The following COL5A2 variants were observed in gnomAD, a reference collection of about 807,000 sequenced individuals.
COL5A2 encodes collagen type V alpha 2 chain.
A neutral mutation model predicts 208.2 loss-of-function variants in COL5A2; 23 were observed. The ratio of observed to expected loss-of-function variants is 0.11; its 90% CI spans 0.08 to 0.16. The LOEUF (loss-of-function observed/expected upper bound fraction) is 0.16. COL5A2 is among the 10% of genes least tolerant of loss of function. The pLI is 1.00. For missense variants in COL5A2, 1,590 were observed against 1,956.4 expected, an observed-to-expected ratio of 0.81 and a Z score of 3.53; for synonymous variants, 625 against 628.5, an observed-to-expected ratio of 0.99 and a Z score of 0.08.
intron 44 of COL5A2, among the ~76,000 whole-genome samples, chr2:189,049,059 T>C (rs1410919158): frequency 6.6e-6 from 1 of 152,092 alleles, no homozygotes; most frequent in Non-Finnish European, 1.5e-5. Context: ...GAAAGATGAA[T>C]GGATGTGTCC....
chr2:189,174,293 C>A (rs917587094), intron 1 of COL5A2, among the ~76,000 whole-genome samples: 1 of 152,172 alleles, frequency 6.6e-6, no homozygotes, highest in Non-Finnish European at 1.5e-5. Flanking sequence ...GAAAAACATG[C>A]ATTCACCTGG....
intron 5 of COL5A2, among the ~76,000 whole-genome samples, chr2:189,098,208 TA>T (rs1378116936): frequency 6.6e-6 from 1 of 152,238 alleles, no homozygotes; most frequent in African/African-American, 2.4e-5. Flanking sequence ...CTTAGTATTT[TA>T]AGCTGATTTG....
chr2:189,058,612 G>A lies in COL5A2; in HGVS notation c.2131-85C>T, dbSNP rs547424630. 4.8e-5 allele frequency: 60 copies of A among 1,256,758 alleles called. No homozygotes were observed. The Middle Eastern group carries it at 7.5e-4, about 16-fold the overall frequency. 77.9% of individuals were successfully genotyped at this position (1,256,758 alleles called of 1,614,324 possible). On this transcript the variant is annotated intron_variant, in intron 32 of 53. Coordinates refer to ENST00000374866, the MANE Select transcript of COL5A2 (RefSeq NM_000393.5). The stretch of plus-strand genomic sequence containing the variant: ...GTTTCTGAGAAATGGCTTCTACTGC[G>A]GAAAAATTCAGAAATGAGACATTAC...
Position 189,032,003 on chromosome 2 carries a change from T to C in COL5A2, c.*2067A>G, listed in dbSNP as rs1199449248. On this transcript the variant is annotated 3_prime_UTR_variant, in exon 54 of 54. Transcript: ENST00000374866. ...TTTGTGACTTAATAGTATTACCACA[T>C]ATTTCTGATTCATCTATATGAACTT... The C allele has an allele frequency of 1.3e-5, 2 of 152,122 alleles. No individual in the cohort carries two copies. The highest frequency in any genetic ancestry group is 4.8e-5 in the African/African-American group (2 of 41,428). The allele number at this position is 152,122 out of a possible 1,614,324, so 9.4% of individuals were successfully genotyped here.
the COL5A2 span, among the ~76,000 whole-genome samples, chr2:189,431,454 GT>G: frequency 6.6e-5 from 10 of 152,212 alleles, no homozygotes; most frequent in Non-Finnish European, 1.3e-4. Flanking sequence ...TTGAAAAAAG[GT>G]TAGTTGAATG....
intron 1 of COL5A2, among the ~76,000 whole-genome samples, chr2:189,190,254 G>C (rs939323443): frequency 6.6e-6 from 1 of 152,098 alleles, no homozygotes; most frequent in Non-Finnish European, 1.5e-5. Context: ...ATTTCATTTT[G>C]TTGTTTTACA....
chr2:189,061,689 G>T lies in COL5A2; in HGVS notation c.1978-74C>A, dbSNP rs368586908. 2.2e-5 allele frequency: 23 copies of T among 1,063,414 alleles called. No individual in the cohort carries two copies. The African/African-American group carries it at 3.3e-4, about 15-fold the overall frequency. The allele number at this position is 1,063,414 out of a possible 1,614,324, so 65.9% of individuals were successfully genotyped here. A position where few individuals can be genotyped will look rare whatever the true frequency, so the allele number is the denominator to read the frequency against. The stretch of plus-strand genomic sequence containing the variant: ...TGCTTCCTCTCTACGTGAACCACTA[G>T]AAGTACTGATATTTATTTGTATTTC... On this transcript the variant is annotated intron_variant, in intron 29 of 53. Coordinates refer to ENST00000374866, the MANE Select transcript of COL5A2 (RefSeq NM_000393.5).
At position 189,060,867 on chromosome 2, in the gene COL5A2, C is replaced by T. The variant is rs1029820257; in HGVS notation, c.2032-84G>A. On this transcript the variant is annotated intron_variant, in intron 30 of 53. Coordinates refer to ENST00000374866, the MANE Select transcript of COL5A2 (RefSeq NM_000393.5). ...TGTTAACAGTTTACCTTTTACAATT[C>T]ATGGGGTCTCCAAGACTATATTTTC... 7 of 913,946 alleles carry T rather than the reference C, an allele frequency of 7.7e-6. No individual in the cohort carries two copies. In the African/African-American group the frequency reaches 1.1e-4, roughly 15 times the overall value. 56.6% of individuals were successfully genotyped at this position (913,946 alleles called of 1,614,324 possible).
At chr2:189,194,517 C>T (rs749825236) in intron 1 of COL5A2, among the ~76,000 whole-genome samples, 4 of 152,130 alleles carry the variant, frequency 2.6e-5, no homozygotes, top group Non-Finnish European at 5.9e-5. Flanking sequence ...ATGTGTGATG[C>T]TACTAATCCT....
chr2:189,320,699 C>G, the COL5A2 span, among the ~76,000 whole-genome samples: 153 of 152,286 alleles, frequency 1.0e-3, no homozygotes, highest in Middle Eastern at 0.017. Context: ...ATTGGTGTAC[C>G]TGAAAGTGAT....
At chr2:189,358,716 T>C in the COL5A2 span, among the ~76,000 whole-genome samples, 3 of 152,248 alleles carry the variant, frequency 2.0e-5, no homozygotes. Flanking sequence ...AAAGTGATAC[T>C]TTCCATTTTA....
intron 1 of COL5A2, among the ~76,000 whole-genome samples, chr2:189,140,474 A>T (rs1294912750): frequency 6.6e-6 from 1 of 152,226 alleles, no homozygotes; most frequent in Non-Finnish European, 1.5e-5. Flanking sequence ...ATAGACCAGA[A>T]ATTTAAACAA....
At chr2:189,132,246 A>G (rs541318740) in intron 1 of COL5A2, among the ~76,000 whole-genome samples, 12 of 152,354 alleles carry the variant, frequency 7.9e-5, no homozygotes, top group Admixed American at 7.2e-4. Context: ...CCACATCAAC[A>G]TTCCTAAATA....
At chr2:189,332,663 T>C in the COL5A2 span, among the ~76,000 whole-genome samples, 6 of 152,220 alleles carry the variant, frequency 3.9e-5, no homozygotes, top group African/African-American at 1.4e-4. Flanking sequence ...CCTTGCCTTC[T>C]GCCATGATGA....
upstream of COL5A2, among the ~76,000 whole-genome samples, chr2:189,184,695 A>G (rs1043842972): frequency 6.6e-6 from 1 of 152,154 alleles, no homozygotes. Context: ...TCCCATCTGG[A>G]TATTCCAGGA....
At chr2:189,400,169 G>A in the COL5A2 span, among the ~76,000 whole-genome samples, 1,115 of 152,068 alleles carry the variant, frequency 7.3e-3, 6 homozygotes, top group Non-Finnish European at 0.012. Flanking sequence ...TGTTTTTCTT[G>A]ATACTTATCC....
the COL5A2 span, among the ~76,000 whole-genome samples, chr2:189,293,160 C>T: frequency 6.6e-6 from 1 of 151,734 alleles, no homozygotes; most frequent in Admixed American, 6.6e-5. Context: ...CACTAAATGA[C>T]GAGTTAATGG....
chr2:189,050,491 C>CA (rs1031722272), intron 43 of COL5A2, 78 bp downstream of exon 43: 77 of 1,212,152 alleles, frequency 6.4e-5, no homozygotes, highest in African/African-American at 1.1e-4. Flanking sequence ...ATTCATCAAG[C>CA]AAAAAAAATA....
At chr2:189,055,241 C>T (rs1685878712) in intron 35 of COL5A2, among the ~76,000 whole-genome samples, 1 of 152,128 alleles carries the variant, frequency 6.6e-6, no homozygotes, top group Admixed American at 6.5e-5. Context: ...CAGCCTAAAA[C>T]CCCAGCTACT....
Sources: gnomAD v4.1 joint callset for allele counts (sites outside exome capture counted in the v4.1 genomes callset) on GRCh38, gnomAD v4.1.1 for gene constraint, MANE v1.5 for transcripts, NCBI Gene and HGNC (gene_info 2026-07-23, HGNC 2026-07-21) for gene names.